The following MAP2K6 variants were observed in gnomAD, a reference collection of about 807,000 sequenced individuals.
MAP2K6 encodes mitogen-activated protein kinase kinase 6.
MAP2K6 carries 16 observed loss-of-function variants against 53.7 expected under a neutral mutation model. The observed-to-expected ratio is 0.30, with a 90% CI of 0.20 to 0.45. The LOEUF is 0.45. Among genes scored for constraint, MAP2K6 ranks in the 20% least tolerant of loss-of-function variants. The pLI, the probability that MAP2K6 is intolerant of heterozygous loss-of-function variation, is 1.00. For missense variants in MAP2K6, 204 were observed against 411.9 expected (o/e 0.50, Z 4.37); for synonymous variants, 132 against 143.1 (o/e 0.92, Z 0.55).
rs775349555 is a variant in MAP2K6, at chr17:69,543,958, T to G, written c.*2205T>G. On this transcript the variant is annotated 3_prime_UTR_variant, in exon 12 of 12. Transcript: ENST00000590474. Reference sequence around the variant, plus strand: ...CTGTGAACACTGTCGCTGCCAATGTTCCAGCCACCAGAGATTTGGATTTAA... The same window carrying G: ...CTGTGAACACTGTCGCTGCCAATGTGCCAGCCACCAGAGATTTGGATTTAA... 2.0e-5 allele frequency: 3 copies of G among 152,236 alleles called. No homozygotes were observed. Among genetic ancestry groups the G allele is most frequent in the Non-Finnish European group, 4.4e-5 (3 of 68,044 alleles). 9.4% of individuals were successfully genotyped at this position (152,236 alleles called of 1,614,324 possible). A position where few individuals can be genotyped will look rare whatever the true frequency, so the allele number is the denominator to read the frequency against.
At chr17:69,525,180 T>C (rs1471140558) in intron 9 of MAP2K6, among the ~76,000 whole-genome samples, 1 of 152,210 alleles carries the variant, frequency 6.6e-6, no homozygotes, top group Non-Finnish European at 1.5e-5. Flanking sequence ...AACCAATCTT[T>C]CTCTTGATTC....
chr17:69,455,863 T>G (rs915765780), intron 1 of MAP2K6, among the ~76,000 whole-genome samples: 3 of 145,954 alleles, frequency 2.1e-5, no homozygotes, highest in African/African-American at 5.2e-5. Context: ...TTTTTTTTTT[T>G]TTTTTTTTTT....
intron 10 of MAP2K6, among the ~76,000 whole-genome samples, chr17:69,530,827 T>C (rs1211936520): frequency 1.3e-5 from 2 of 152,232 alleles, no homozygotes; most frequent in African/African-American, 4.8e-5. Flanking sequence ...TATGGGTACA[T>C]ACCTCCAGCC....
At chr17:69,502,496 T>A (rs1016614325) in intron 1 of MAP2K6, 1 of 985,382 alleles carries the variant, frequency 1.0e-6, no homozygotes, top group Non-Finnish European at 1.2e-6. Flanking sequence ...CAGAGTATTT[T>A]CTAACACTGT....
intron 7 of MAP2K6, chr17:69,521,955 A>C (rs757155702): frequency 3.3e-5 from 5 of 152,190 alleles, no homozygotes; most frequent in African/African-American, 4.8e-5. Flanking sequence ...AGCCTGCCCA[A>C]CATGGTGAAA....
In MAP2K6 at chr17:69,493,282, A is replaced by G. The variant is rs1356550039; in HGVS notation, c.17-12498A>G. Among the ~76,000 whole-genome samples the G allele has an allele frequency of 1.6e-4, 23 of 142,522 alleles. 1 individual carries two copies. 93.5% of individuals were successfully genotyped at this position (142,522 alleles called of 152,430 possible). ...AAAATTTAAAATTTTATATAACCAAAAAGGAAAAAAAACAGTGTATGTGTT... is the reference window on the plus strand; with the variant it reads ...AAAATTTAAAATTTTATATAACCAAGAAGGAAAAAAAACAGTGTATGTGTT... On this transcript the variant is annotated intron_variant, in intron 1 of 11. Transcript: ENST00000590474.
At chr17:69,426,967 GT>G (rs553707204) in intron 1 of MAP2K6, among the ~76,000 whole-genome samples, 41 of 152,248 alleles carry the variant, frequency 2.7e-4, no homozygotes, top group African/African-American at 8.4e-4. Flanking sequence ...ACTTTTAGGT[GT>G]TTTTTGGATT....
intron 1 of MAP2K6, 86 bp from the exon 2 acceptor site, chr17:69,505,694 T>G: frequency 9.7e-7 from 1 of 1,034,510 alleles, no homozygotes; most frequent in South Asian, 1.3e-5. Flanking sequence ...CCTGTGCAGG[T>G]CAGCTCTTTC....
Position 69,494,133 on chromosome 17 carries a change from A to C in MAP2K6, c.17-11647A>C, listed in dbSNP as rs1318631056. Among the ~76,000 whole-genome samples the C allele has an allele frequency of 1.3e-5, 2 of 152,218 alleles. No individual in the cohort carries two copies. Among genetic ancestry groups the C allele is most frequent in the African/African-American group, 4.8e-5 (2 of 41,460 alleles). ...AATCCAGTGGAAAAAACTACAGGAC[A>C]CATGGCCTGCATTTCTTCAACAAAA... is the stretch of plus-strand genomic sequence containing the variant. On this transcript the variant is annotated intron_variant, in intron 1 of 11. Coordinates refer to ENST00000590474, the MANE Select transcript of MAP2K6 (RefSeq NM_002758.4). This position sits in a 1 kb window ranked among gnomAD's most constrained non-coding sequence, Gnocchi z 4.2.
chr17:69,543,211 G>A lies in MAP2K6; in HGVS notation c.*1458G>A, dbSNP rs1435585392. On this transcript the variant is annotated 3_prime_UTR_variant, in exon 12 of 12. Coordinates refer to ENST00000590474, the MANE Select transcript of MAP2K6 (RefSeq NM_002758.4). ...CCAGGAAGCATTGCTTTTGGACAAG[G>A]AAGGACAGAGGGTTTTGATTTTAAA... 2.0e-5 allele frequency: 3 copies of A among 152,114 alleles called. No homozygotes were observed. Among genetic ancestry groups the A allele is most frequent in the African/African-American group, 7.2e-5 (3 of 41,418 alleles). 9.4% of individuals were successfully genotyped at this position (152,114 alleles called of 1,614,324 possible).
chr17:69,415,690 T>A (rs560757647), intron 1 of MAP2K6, among the ~76,000 whole-genome samples: 1 of 152,144 alleles, frequency 6.6e-6, no homozygotes, highest in African/African-American at 2.4e-5. Flanking sequence ...GTCTGCCCAT[T>A]TGGGGGATGC....
intron 2 of MAP2K6, among the ~76,000 whole-genome samples, chr17:69,508,487 C>T (rs908548075): frequency 6.6e-6 from 1 of 152,070 alleles, no homozygotes; most frequent in Non-Finnish European, 1.5e-5. Flanking sequence ...TGCCCATTGT[C>T]TAATTAGATA....
chr17:69,485,595 C>T (rs1908504710), intron 1 of MAP2K6: 1 of 259,118 alleles, frequency 3.9e-6, no homozygotes, highest in South Asian at 1.5e-4. Context: ...CTTGGCAGAA[C>T]ACCCTGTTAT....
chr17:69,444,871 CTT>C (rs748367966), intron 1 of MAP2K6, among the ~76,000 whole-genome samples: 7 of 152,190 alleles, frequency 4.6e-5, no homozygotes, highest in South Asian at 2.1e-4. Flanking sequence ...ATGCCACTAA[CTT>C]TCATTTACTG....
chr17:69,425,353 C>CTG (rs1906235835), intron 1 of MAP2K6, among the ~76,000 whole-genome samples: 4 of 151,876 alleles, frequency 2.6e-5, no homozygotes, highest in Admixed American at 2.6e-4. Context: ...AGCTCTGTCA[C>CTG]CCAGGCTGGA....
At chr17:69,497,043 A>G (rs1008184688) in intron 1 of MAP2K6, among the ~76,000 whole-genome samples, 1 of 152,110 alleles carries the variant, frequency 6.6e-6, no homozygotes, top group Non-Finnish European at 1.5e-5. Flanking sequence ...TGTTCCTCTT[A>G]TGCAGTAAGT....
chr17:69,517,901 A>G (rs576301426), intron 4 of MAP2K6, among the ~76,000 whole-genome samples: 20 of 152,314 alleles, frequency 1.3e-4, no homozygotes, highest in African/African-American at 3.6e-4. Flanking sequence ...ACTTAAAAAT[A>G]ATTAATGGCC....
chr17:69,429,441 T>G (rs915126478), intron 1 of MAP2K6, among the ~76,000 whole-genome samples: 4 of 151,738 alleles, frequency 2.6e-5, no homozygotes, highest in African/African-American at 9.7e-5. Flanking sequence ...AGACCTTGCC[T>G]CTAAAAGGAG....
At chr17:69,422,935 G>A (rs947881612) in intron 1 of MAP2K6, among the ~76,000 whole-genome samples, 1 of 152,148 alleles carries the variant, frequency 6.6e-6, no homozygotes, top group African/African-American at 2.4e-5. Context: ...CCAACTGGGA[G>A]TGCAATGGCG....
Sources: gnomAD v4.1 joint callset for allele counts (sites outside exome capture counted in the v4.1 genomes callset) on GRCh38, gnomAD v4.1.1 for gene constraint, Gnocchi (gnomAD v3.1) non-coding constraint, MANE v1.5 for transcripts, NCBI Gene and HGNC (gene_info 2026-07-23, HGNC 2026-07-21) for gene names.